THADA: variants seen among roughly 807,000 people sequenced by gnomAD.
THADA encodes the protein tRNA (32-2'-O)-methyltransferase regulator THADA.
A neutral mutation model predicts 219.8 loss-of-function variants in THADA; 213 were observed. The ratio of observed to expected loss-of-function variants is 0.97; its 90% CI spans 0.87 to 1.09. The LOEUF (loss-of-function observed/expected upper bound fraction) is 1.09. Among genes scored for constraint, THADA ranks in the 50% least tolerant of loss-of-function variants. The pLI is 0.00. For missense variants in THADA, 2,956 were observed against 2,311.3 expected (o/e 1.28, Z -5.72); for synonymous variants, 1,018 against 828.9 (o/e 1.23, Z -3.92).
chr2:43,459,886 T>C (rs1489972748), intron 26 of THADA, among the ~76,000 whole-genome samples: 1 of 152,170 alleles, frequency 6.6e-6, no homozygotes, highest in African/African-American at 2.4e-5. Flanking sequence ...TTTGCAAAAG[T>C]AGAAATTTTA....
At chr2:43,266,845 C>T (rs991536681) in intron 36 of THADA, among the ~76,000 whole-genome samples, 5 of 152,134 alleles carry the variant, frequency 3.3e-5, no homozygotes, top group African/African-American at 4.8e-5. Context: ...GGACATGCCA[C>T]GCATAAGCAC....
chr2:43,485,855 C>A (rs1172368598), intron 25 of THADA, among the ~76,000 whole-genome samples: 2 of 150,944 alleles, frequency 1.3e-5, no homozygotes, highest in Non-Finnish European at 3.0e-5. Context: ...TACAGTAAGA[C>A]CCCCATCTCA....
At chr2:43,426,655 ATAGC>A (rs1009509160) in intron 28 of THADA, among the ~76,000 whole-genome samples, 10 of 152,284 alleles carry the variant, frequency 6.6e-5, no homozygotes, top group Non-Finnish European at 1.3e-4. Context: ...GCGCAAACAA[ATAGC>A]TCTGCAAGCG....
chr2:43,428,349 T>A, intron 27 of THADA, 118 bp from the exon 28 acceptor site: 1 of 995,856 alleles, frequency 1.0e-6, no homozygotes, highest in Non-Finnish European at 1.4e-6. Flanking sequence ...GACTAATGCC[T>A]GTAATCCCAG....
chr2:43,425,446 ATGTGTG>A (rs70963396), intron 28 of THADA, among the ~76,000 whole-genome samples: 2,411 of 140,424 alleles, frequency 0.017, 35 homozygotes, highest in African/African-American at 0.04. Context: ...TTAAAATTGT[ATGTGTG>A]TGTGTGTGTG....
intron 30 of THADA, among the ~76,000 whole-genome samples, chr2:43,330,380 TAGG>T (rs148041885): frequency 0.031 from 4,644 of 152,222 alleles, 240 homozygotes; most frequent in African/African-American, 0.11. Context: ...TAGTGAGACT[TAGG>T]AGGGCCTCTC....
At position 43,243,491 on chromosome 2, in the gene THADA, C is replaced by T. The variant is rs114500254; in HGVS notation, c.5297-10609G>A. Among the ~76,000 whole-genome samples, 1,161 of 152,258 alleles carry T rather than the reference C, an allele frequency of 7.6e-3. 11 individuals are homozygous for T. The highest frequency in any genetic ancestry group is 0.026 in the African/African-American group (1,089 of 41,554). ...CTCACACAACCGCAAACAGTCCCTT[C>T]GTGAACGTCTCTGTGAGTGCTCAGT... is the stretch of plus-strand genomic sequence containing the variant. On this transcript the variant is annotated intron_variant, in intron 36 of 37. Transcript: ENST00000405975.
rs568108925 is a variant in THADA at position 43,442,709 on chromosome 2, G to A, written c.3837-12407C>T. On this transcript the variant is annotated intron_variant, in intron 26 of 37. Transcript: ENST00000405975. ...ATATGTTACAAGAGCAGATGGACTA[G>A]GCTAGAGAGTAGAAACATGGTGACC... Among the ~76,000 whole-genome samples, 3 of 152,226 alleles carry A rather than the reference G, an allele frequency of 2.0e-5. No homozygotes were observed. The South Asian group carries it at 6.2e-4, about 32-fold the overall frequency.
At chr2:43,353,940 C>A (rs1402980238) in intron 29 of THADA, among the ~76,000 whole-genome samples, 1 of 152,092 alleles carries the variant, frequency 6.6e-6, no homozygotes, top group Non-Finnish European at 1.5e-5. Context: ...GCCTCAGCCT[C>A]CCGAGTAGCT....
chr2:43,531,558 C>T (rs995106941), intron 21 of THADA, among the ~76,000 whole-genome samples: 1 of 152,174 alleles, frequency 6.6e-6, no homozygotes, highest in Non-Finnish European at 1.5e-5. Flanking sequence ...AGAAACACAC[C>T]AGGCTGACAG....
chr2:43,595,634 AG>A (rs773320979), intron 1 of THADA: 4 of 152,366 alleles, frequency 2.6e-5, no homozygotes, highest in Non-Finnish European at 5.9e-5. Context: ...CACTCCTCCT[AG>A]GTCCCACTTA....
intron 34 of THADA, among the ~76,000 whole-genome samples, chr2:43,291,070 TA>T (rs1674637715): frequency 6.6e-6 from 1 of 151,900 alleles, no homozygotes; most frequent in African/African-American, 2.4e-5. Context: ...AGAGTCCAGC[TA>T]GAGAAATGGG....
chr2:43,314,547 A>G (rs918514854), intron 31 of THADA, among the ~76,000 whole-genome samples: 6 of 152,230 alleles, frequency 3.9e-5, no homozygotes, highest in African/African-American at 1.4e-4. Context: ...CAAGTCTTAG[A>G]TAGTATTTCT....
intron 26 of THADA, among the ~76,000 whole-genome samples, chr2:43,456,578 A>C (rs1683024666): frequency 6.6e-6 from 1 of 151,916 alleles, no homozygotes; most frequent in Admixed American, 6.6e-5. Context: ...TTTTAAGCAG[A>C]GTCTCGCTCT....
At chr2:43,573,121 T>C in intron 11 of THADA, 129 bp from the exon 12 acceptor site, 1 of 725,114 alleles carries the variant, frequency 1.4e-6, no homozygotes, top group Non-Finnish European at 2.1e-6. Flanking sequence ...AACTCATTTC[T>C]AACACAAATT....
At position 43,549,216 on chromosome 2, in the gene THADA, T is replaced by A; in HGVS notation, c.3100A>T (p.Ile1034Phe). The A allele has an allele frequency of 1.3e-6, 2 of 1,567,102 alleles. No homozygotes were observed. Among genetic ancestry groups the A allele is most frequent in the East Asian group, 2.3e-5 (1 of 44,230 alleles). ...TCCATTTTATACAAGTTACCTTTGA[T>A]TTCTGTAGAAGTATCAATATTCACC... ...SVVNIDTSTE[I>F]KGKEVKTCDV... is the part of the protein sequence containing the mutation. The change falls in exon 20 of 38, where the codon ATC becomes TTC. Residue 1034 changes from isoleucine to phenylalanine, a missense_variant. Transcript: ENST00000405975.
chr2:43,477,720 C>T (rs1685706699), intron 26 of THADA, among the ~76,000 whole-genome samples: 1 of 152,236 alleles, frequency 6.6e-6, no homozygotes, highest in Non-Finnish European at 1.5e-5. Context: ...TTTCCACACT[C>T]ACTGATAGTC....
intron 36 of THADA, among the ~76,000 whole-genome samples, chr2:43,269,745 A>C (rs73923550): frequency 0.018 from 2,715 of 151,846 alleles, 83 homozygotes; most frequent in African/African-American, 0.062. Flanking sequence ...ATTTCCCCTC[A>C]CCCTCCACTG....
At chr2:43,286,372 G>C (rs1199374635) in intron 35 of THADA, among the ~76,000 whole-genome samples, 2 of 152,164 alleles carry the variant, frequency 1.3e-5, no homozygotes, top group Non-Finnish European at 2.9e-5. Flanking sequence ...GAAATTATCA[G>C]ACTTGCATTT....
Sources: gnomAD v4.1 joint callset for allele counts (sites outside exome capture counted in the v4.1 genomes callset) on GRCh38, gnomAD v4.1.1 for gene constraint, MANE v1.5 for transcripts, NCBI Gene and HGNC (gene_info 2026-07-23, HGNC 2026-07-21) for gene names.